Variants in TSPAN9 observed in about 807,000 individuals in gnomAD.
The protein encoded by TSPAN9 is tetraspanin 9.
A neutral mutation model predicts 31.0 loss-of-function variants in TSPAN9; 16 were observed. The ratio of observed to expected loss-of-function variants is 0.52; its 90% CI spans 0.35 to 0.78. The LOEUF is 0.78. Among genes scored for constraint, TSPAN9 ranks in the 30% least tolerant of loss-of-function variants. TSPAN9 has a pLI of 0.01. For missense variants in TSPAN9, 272 were observed against 312.5 expected, an observed-to-expected ratio of 0.87 and a Z score of 0.98; for synonymous variants, 145 against 121.6, an observed-to-expected ratio of 1.19 and a Z score of -1.27.
In TSPAN9 at chr12:3,143,275, A is replaced by AATAATATTTATAGTTAT. The variant is rs1333169335; in HGVS notation, c.-17-57890_-17-57889insGTTATATAATATTTATA. Among the ~76,000 whole-genome samples the AATAATATTTATAGTTAT allele has an allele frequency of 2.0e-5, 3 of 148,328 alleles. No homozygotes were observed. The highest frequency in any genetic ancestry group is 4.9e-5 in the African/African-American group (2 of 40,848). ...ATTTATAGTTATATTAATCATAATTAATAATATTTATAATTATATTAATTA... is the reference window on the plus strand; with the variant it reads ...ATTTATAGTTATATTAATCATAATTAATAATATTTATAGTTATATAATATTTATAATTATATTAATTA... On this transcript the variant is annotated intron_variant, in intron 2 of 8. Transcript: ENST00000011898. The surrounding 1 kb of genome is among the most constrained non-coding windows in gnomAD (Gnocchi z 4.2).
At chr12:3,247,463 C>T (rs647521) in intron 3 of TSPAN9, among the ~76,000 whole-genome samples, 130,884 of 151,628 alleles carry the variant, frequency 0.86, 58,145 homozygotes, top group Non-Finnish European at 0.98. Flanking sequence ...ACAGGAGTGC[C>T]GAGAGAGCGT....
chr12:3,149,376 C>T (rs897173845), intron 2 of TSPAN9, among the ~76,000 whole-genome samples: 8 of 152,214 alleles, frequency 5.3e-5, no homozygotes, highest in Non-Finnish European at 7.3e-5. Flanking sequence ...TTTCTGCAGC[C>T]AGATACATGC....
chr12:3,267,154 C>T (rs1348838606), intron 3 of TSPAN9, among the ~76,000 whole-genome samples: 1 of 152,204 alleles, frequency 6.6e-6, no homozygotes, highest in Non-Finnish European at 1.5e-5. Context: ...GAATGGAGCC[C>T]CCAGCCCCTT....
chr12:3,135,851 C>T (rs2098331883), intron 2 of TSPAN9, among the ~76,000 whole-genome samples: 4 of 152,232 alleles, frequency 2.6e-5, no homozygotes, highest in Non-Finnish European at 2.9e-5. Context: ...TCTCCTGTGA[C>T]ATTCTTGAGA....
intron 3 of TSPAN9, among the ~76,000 whole-genome samples, chr12:3,277,329 C>T (rs1004394583): frequency 4.6e-5 from 7 of 152,204 alleles, no homozygotes; most frequent in South Asian, 4.1e-4. Context: ...TAGGGACTGC[C>T]TCCTTCAACT....
intron 2 of TSPAN9, among the ~76,000 whole-genome samples, chr12:3,089,787 T>C (rs1321073156): frequency 6.6e-6 from 1 of 151,932 alleles, no homozygotes; most frequent in Non-Finnish European, 1.5e-5. Flanking sequence ...ATACCTGTAG[T>C]CCCAGCCACT....
intron 2 of TSPAN9, among the ~76,000 whole-genome samples, chr12:3,112,467 C>T (rs570711843): frequency 3.2e-4 from 49 of 151,940 alleles, no homozygotes; most frequent in African/African-American, 8.4e-4. Flanking sequence ...TAAGCCACCG[C>T]GCCTGGCCTG....
chr12:3,246,290 C>G (rs189477980), intron 3 of TSPAN9, among the ~76,000 whole-genome samples: 1 of 152,066 alleles, frequency 6.6e-6, no homozygotes, highest in Admixed American at 6.5e-5. Flanking sequence ...ATCTAGTCGC[C>G]TCCCCACTTC....
chr12:3,232,399 C>T (rs2098391218), intron 3 of TSPAN9, among the ~76,000 whole-genome samples: 2 of 152,044 alleles, frequency 1.3e-5, no homozygotes, highest in Non-Finnish European at 2.9e-5. Flanking sequence ...GGGATATGGA[C>T]ACAGCAAGAA....
chr12:3,214,195 T>C (rs1001353370), intron 3 of TSPAN9, among the ~76,000 whole-genome samples: 4 of 152,230 alleles, frequency 2.6e-5, no homozygotes, highest in African/African-American at 9.7e-5. Context: ...GTTGTATATG[T>C]TTCTTTTGTT....
At chr12:3,137,519 G>A (rs2098332655) in intron 2 of TSPAN9, among the ~76,000 whole-genome samples, 1 of 151,736 alleles carries the variant, frequency 6.6e-6, no homozygotes, top group Non-Finnish European at 1.5e-5. Context: ...CCACATCCAT[G>A]CCAGGCCCAG....
chr12:3,114,068 G>C (rs943142023), intron 2 of TSPAN9, among the ~76,000 whole-genome samples: 1 of 152,120 alleles, frequency 6.6e-6, no homozygotes, highest in Non-Finnish European at 1.5e-5. Context: ...CTCCTCTCCT[G>C]CATCTCTGAC....
At chr12:3,167,884 G>A (rs2098349387) in intron 2 of TSPAN9, among the ~76,000 whole-genome samples, 1 of 152,226 alleles carries the variant, frequency 6.6e-6, no homozygotes, top group Admixed American at 6.5e-5. Flanking sequence ...CCCATCTGGG[G>A]CAATGTGCCT....
chr12:3,157,243 G>A (rs1239244624), intron 2 of TSPAN9, among the ~76,000 whole-genome samples: 1 of 152,096 alleles, frequency 6.6e-6, no homozygotes, highest in Non-Finnish European at 1.5e-5. Context: ...GGGACTACGG[G>A]TGCCCGCCAC....
chr12:3,210,555 G>A (rs190577585), intron 3 of TSPAN9, among the ~76,000 whole-genome samples: 23 of 152,184 alleles, frequency 1.5e-4, no homozygotes, highest in African/African-American at 5.5e-4. Flanking sequence ...GAATACTAAT[G>A]TGTTAATTAA....
chr12:3,278,310 G>C, intron 3 of TSPAN9, 111 bp from the exon 4 acceptor site: 1 of 1,459,944 alleles, frequency 6.8e-7, no homozygotes, highest in Non-Finnish European at 9.3e-7. Context: ...CACCTTGTCG[G>C]TTCTCACTTT....
intron 3 of TSPAN9, among the ~76,000 whole-genome samples, chr12:3,206,665 A>G (rs4318042): frequency 0.48 from 73,010 of 151,716 alleles, 18,191 homozygotes; most frequent in African/African-American, 0.62. Context: ...TCCACTGAAA[A>G]GGCTGGCAGA....
intron 3 of TSPAN9, among the ~76,000 whole-genome samples, chr12:3,270,706 G>T (rs540073871): frequency 1.3e-5 from 2 of 152,264 alleles, no homozygotes; most frequent in Non-Finnish European, 2.9e-5. Flanking sequence ...ATCCCACCAC[G>T]CAGGGCCCTG....
intron 2 of TSPAN9, chr12:3,084,048 C>T (rs1295257365): frequency 6.6e-6 from 1 of 152,214 alleles, no homozygotes; most frequent in Non-Finnish European, 1.5e-5. Context: ...CCTGTCTCCT[C>T]CCAGCAGGCT....
Sources: allele counts gnomAD v4.1 joint callset (sites outside exome capture counted in the v4.1 genomes callset), GRCh38; gene constraint gnomAD v4.1.1; non-coding constraint Gnocchi (gnomAD v3.1); transcripts MANE v1.5; gene names NCBI Gene and HGNC (gene_info 2026-07-23, HGNC 2026-07-21).